The following SMG6 variants were observed in gnomAD, a reference collection of about 807,000 sequenced individuals.
SMG6 encodes the protein SMG6 nonsense mediated mRNA decay factor, also known as telomerase-binding protein EST1A.
SMG6 carries 66 observed loss-of-function variants against 142.2 expected under a neutral mutation model. The ratio of observed to expected loss-of-function variants is 0.46; its 90% confidence interval spans 0.38 to 0.57. The LOEUF is 0.57. Ranked by LOEUF, SMG6 falls within the 20% of genes least tolerant of loss-of-function variation. SMG6 has a pLI of 0.00. For synonymous variants in SMG6, 779 were observed against 702.4 expected (o/e 1.11, Z -1.72); for missense variants, 1,793 against 1,832.0 (o/e 0.98, Z 0.39).
intron 13 of SMG6, among the ~76,000 whole-genome samples, chr17:2,125,750 G>T (rs2069853676): frequency 6.6e-6 from 1 of 151,998 alleles, no homozygotes; most frequent in Non-Finnish European, 1.5e-5. Context: ...GTCAGGAGTT[G>T]GAGACCAGCC....
At chr17:2,266,242 T>G in intron 8 of SMG6, 1 of 940,720 alleles carries the variant, frequency 1.1e-6, no homozygotes, top group Non-Finnish European at 1.3e-6. Context: ...GGGTGGAAAG[T>G]GGCCTGTGGG....
chr17:2,130,607 T>A (rs1305513478), intron 13 of SMG6, among the ~76,000 whole-genome samples: 1 of 151,976 alleles, frequency 6.6e-6, no homozygotes, highest in Non-Finnish European at 1.5e-5. Context: ...GAAGAAAAAT[T>A]TAAAGTAAAA....
chr17:2,267,566 A>T lies in SMG6; in HGVS notation c.2661+15081T>A, dbSNP rs1220450242. On this transcript the variant is annotated intron_variant, in intron 8 of 18. Transcript: ENST00000263073. Reference sequence around the variant, plus strand: ...CTGGCTTTCTCTGTCATGATGATATAATTATGAGACAATGAAATAACTGGG... The same window carrying T: ...CTGGCTTTCTCTGTCATGATGATATTATTATGAGACAATGAAATAACTGGG... Among the ~76,000 whole-genome samples, 3 of 152,142 alleles carry T rather than the reference A, an allele frequency of 2.0e-5. No individual in the cohort carries two copies. The East Asian group carries it at 5.8e-4, about 29-fold the overall frequency.
intron 10 of SMG6, among the ~76,000 whole-genome samples, chr17:2,218,825 A>G (rs2073092738): frequency 6.6e-6 from 1 of 152,126 alleles, no homozygotes; most frequent in African/African-American, 2.4e-5. Context: ...TAAACTACGA[A>G]CTTTGGGTGA....
chr17:2,256,579 A>G (rs1216415184), intron 8 of SMG6, among the ~76,000 whole-genome samples: 4 of 152,166 alleles, frequency 2.6e-5, no homozygotes, highest in Non-Finnish European at 5.9e-5. Flanking sequence ...CTGGGCCAAC[A>G]TGGCAAAACT....
At chr17:2,230,543 C>A (rs912111574) in intron 10 of SMG6, among the ~76,000 whole-genome samples, 1 of 152,074 alleles carries the variant, frequency 6.6e-6, no homozygotes, top group Non-Finnish European at 1.5e-5. Context: ...TTTCTCATTT[C>A]TTTGGCTTTT....
chr17:2,290,763 C>A (rs889367129), intron 6 of SMG6, among the ~76,000 whole-genome samples: 1 of 152,106 alleles, frequency 6.6e-6, no homozygotes, highest in African/African-American at 2.4e-5. Flanking sequence ...GGAAAAAACT[C>A]AATTTTAAAA....
chr17:2,150,570 G>T (rs1329354578), intron 13 of SMG6, among the ~76,000 whole-genome samples: 1 of 151,926 alleles, frequency 6.6e-6, no homozygotes, highest in African/African-American at 2.4e-5. Context: ...CATGTCATCA[G>T]GGGTAGCTCA....
At chr17:2,126,218 AAG>A (rs1392328034) in intron 13 of SMG6, among the ~76,000 whole-genome samples, 1 of 152,152 alleles carries the variant, frequency 6.6e-6, no homozygotes, top group Non-Finnish European at 1.5e-5. Context: ...TTTCAATAAA[AAG>A]AGCTTAAAAA....
At chr17:2,105,971 C>T (rs997724746) in intron 13 of SMG6, among the ~76,000 whole-genome samples, 1 of 152,228 alleles carries the variant, frequency 6.6e-6, no homozygotes, top group Non-Finnish European at 1.5e-5. Context: ...AAAGCTCCCT[C>T]CTGATACTTG....
intron 10 of SMG6, among the ~76,000 whole-genome samples, chr17:2,198,124 C>T (rs376641510): frequency 4.3e-4 from 66 of 152,222 alleles, no homozygotes; most frequent in East Asian, 2.7e-3. Flanking sequence ...GTGGAATATC[C>T]GTACCAGGGA....
intron 13 of SMG6, chr17:2,088,427 CCA>C: frequency 2.0e-6 from 2 of 985,354 alleles, no homozygotes; most frequent in South Asian, 9.4e-5. Flanking sequence ...TAGCCCTCTC[CCA>C]GTTTTCATTT....
At chr17:2,123,303 C>T (rs955881379) in intron 13 of SMG6, among the ~76,000 whole-genome samples, 2 of 152,302 alleles carry the variant, frequency 1.3e-5, no homozygotes, top group Admixed American at 6.5e-5. Context: ...CTGTGTGCTG[C>T]ACAGCCAAAT....
chr17:2,269,537 C>T (rs966780663), intron 8 of SMG6, among the ~76,000 whole-genome samples: 4 of 151,980 alleles, frequency 2.6e-5, no homozygotes, highest in African/African-American at 9.7e-5. Context: ...GGCCACCTGG[C>T]CTGGGTTTTC....
chr17:2,251,363 T>C (rs1005255554), intron 8 of SMG6, among the ~76,000 whole-genome samples: 1 of 151,916 alleles, frequency 6.6e-6, no homozygotes, highest in Middle Eastern at 3.5e-3. Context: ...GCCCCTTACT[T>C]GGACCAAAGA....
intron 13 of SMG6, among the ~76,000 whole-genome samples, chr17:2,130,760 A>C (rs1325792466): frequency 1.3e-5 from 2 of 151,796 alleles, no homozygotes; most frequent in Non-Finnish European, 2.9e-5. Flanking sequence ...AAAAAAAAAA[A>C]CATCAAATAG....
chr17:2,081,855 C>T lies in SMG6; in HGVS notation c.3636G>A (p.Leu1212=). The T allele has an allele frequency of 6.2e-7, 1 of 1,614,062 alleles. No homozygotes were observed. The highest frequency in any genetic ancestry group is 1.3e-5 in the African/African-American group (1 of 75,046). The change falls in exon 15 of 19, where the codon CTG becomes CTA. Residue 1212 remains leucine, a synonymous_variant. Coordinates refer to ENST00000263073, the MANE Select transcript of SMG6 (RefSeq NM_017575.5). ...GCTGCTGCTCAGCTATCTTCCTGGC[C>T]AGAGCCAGCTTCTTGGCCCGAAGCT... ...IRELRAKKLA[L]ARKIAEQQRR... is the part of the protein sequence containing the mutation.
intron 13 of SMG6, among the ~76,000 whole-genome samples, chr17:2,141,006 T>C (rs2070462138): frequency 6.6e-6 from 1 of 152,250 alleles, no homozygotes; most frequent in Admixed American, 6.5e-5. Context: ...CTGCTGGTAA[T>C]GGCACAGAGA....
intron 8 of SMG6, among the ~76,000 whole-genome samples, chr17:2,279,531 AG>A (rs2074736517): frequency 6.6e-6 from 1 of 152,248 alleles, no homozygotes; most frequent in Non-Finnish European, 1.5e-5. Context: ...GAAGAGGACC[AG>A]GAATAAATCT....
Sources: gnomAD v4.1 joint callset for allele counts (sites outside exome capture counted in the v4.1 genomes callset) on GRCh38, gnomAD v4.1.1 for gene constraint, MANE v1.5 for transcripts, NCBI Gene and HGNC (gene_info 2026-07-23, HGNC 2026-07-21) for gene names.